Variants in SPATA13 observed in about 807,000 individuals in gnomAD.
SPATA13 encodes the protein spermatogenesis associated 13, also known as spermatogenesis-associated protein 13.
Under a neutral mutation model 104.0 loss-of-function variants are expected in SPATA13, and 50 were observed. The ratio of observed to expected loss-of-function variants is 0.48; its 90% CI spans 0.38 to 0.61. The LOEUF is 0.61. SPATA13 is among the 20% of genes least tolerant of loss of function. The pLI, the probability that SPATA13 is intolerant of heterozygous loss-of-function variation, is 0.00. For missense variants in SPATA13, 1,524 were observed against 1,690.6 expected (o/e 0.90, Z 1.73); for synonymous variants, 606 against 667.5 (o/e 0.91, Z 1.42).
chr13:24,183,351 T>C (rs1868930104), intron 1 of SPATA13, among the ~76,000 whole-genome samples: 1 of 152,210 alleles, frequency 6.6e-6, no homozygotes, highest in Non-Finnish European at 1.5e-5. Context: ...CAACCAAGAC[T>C]GAATGACAGA....
rs377075297 is a variant in SPATA13, at chr13:24,038,820, A to G, written c.-112+21119A>G. On this transcript the variant is annotated intron_variant, in intron 3 of 14. Transcript: ENST00000424834. ...GTTATAGTTGTAATAAGGAAGCACA[A>G]CATCAAAAAATTGGGTGGAATCCTG... Among the ~76,000 whole-genome samples the G allele has an allele frequency of 7.8e-4, 119 of 152,332 alleles. No homozygotes were observed. In the Middle Eastern group the frequency reaches 0.017, roughly 22 times the overall value.
At chr13:24,199,919 A>G (rs1870305574) in intron 1 of SPATA13, among the ~76,000 whole-genome samples, 1 of 152,320 alleles carries the variant, frequency 6.6e-6, no homozygotes, top group Non-Finnish European at 1.5e-5. Flanking sequence ...TATAAGAGAG[A>G]TAGACTAGCA....
intron 3 of SPATA13, among the ~76,000 whole-genome samples, chr13:24,086,541 A>G (rs1879726608): frequency 6.6e-6 from 1 of 152,152 alleles, no homozygotes; most frequent in Admixed American, 6.5e-5. Context: ...GACAAGTTCG[A>G]TGGCTGGGTC....
chr13:24,044,995 C>T (rs1294651135), intron 3 of SPATA13, among the ~76,000 whole-genome samples: 4 of 152,176 alleles, frequency 2.6e-5, no homozygotes, highest in Non-Finnish European at 5.9e-5. Flanking sequence ...CAAACCCTCC[C>T]TTTCTTCCTT....
intron 4 of SPATA13, among the ~76,000 whole-genome samples, chr13:24,260,899 T>C (rs1715875308): frequency 6.6e-6 from 1 of 152,250 alleles, no homozygotes; most frequent in Admixed American, 6.5e-5. Context: ...ATTGCACCTA[T>C]GTATGCCTTA....
At chr13:24,266,175 A>G (rs1452452814) in intron 4 of SPATA13, among the ~76,000 whole-genome samples, 1 of 152,194 alleles carries the variant, frequency 6.6e-6, no homozygotes, top group Non-Finnish European at 1.5e-5. Context: ...TCCCATAGGT[A>G]TGTAAATATA....
chr13:24,123,026 T>C, intron 3 of SPATA13: 3 of 923,620 alleles, frequency 3.2e-6, no homozygotes, highest in Non-Finnish European at 5.4e-6. Flanking sequence ...CCATCTGGAT[T>C]ACTTGGTTAA....
chr13:24,106,432 A>G (rs924267868), intron 3 of SPATA13, among the ~76,000 whole-genome samples: 12 of 152,224 alleles, frequency 7.9e-5, no homozygotes, highest in Non-Finnish European at 8.8e-5. Context: ...CTTGTATATG[A>G]AAATGGAAAC....
At chr13:24,215,224 T>C (rs560684859) in intron 1 of SPATA13, among the ~76,000 whole-genome samples, 12 of 152,314 alleles carry the variant, frequency 7.9e-5, no homozygotes, top group Middle Eastern at 6.8e-3. Flanking sequence ...GTGCATGTCC[T>C]AAATGAGGAG....
intron 3 of SPATA13, among the ~76,000 whole-genome samples, chr13:24,049,953 C>T (rs529042907): frequency 1.3e-4 from 20 of 152,302 alleles, no homozygotes; most frequent in Middle Eastern, 3.4e-3. Context: ...GCTCACTGCA[C>T]CCTCTGCCTC....
intron 3 of SPATA13, among the ~76,000 whole-genome samples, chr13:24,144,009 C>A (rs11840813): frequency 0.056 from 8,562 of 152,268 alleles, 488 homozygotes; most frequent in African/African-American, 0.15. Flanking sequence ...TGGCCAGAAA[C>A]ACTCAAAGCA....
intron 3 of SPATA13, among the ~76,000 whole-genome samples, chr13:24,079,761 AG>A (rs1311382999): frequency 6.6e-6 from 1 of 152,166 alleles, no homozygotes; most frequent in Non-Finnish European, 1.5e-5. Context: ...TGCCTACATT[AG>A]GTCTCTGGAC....
At position 24,294,839 on chromosome 13, in the gene SPATA13, C is replaced by T. The variant is rs140467795; in HGVS notation, c.3181C>T (p.Arg1061Cys). 9.6e-4 allele frequency: 1,545 copies of T among 1,610,646 alleles called. 5 individuals carry two copies. Among genetic ancestry groups the T allele is most frequent in the Middle Eastern group, 1.3e-3 (8 of 6,050 alleles). ...RKLESIDKIA[R>C]WQVSIVGWEG... ...GCTGGAGAGCATCGACAAGATAGCT[C>T]GCTGGCAGGTGTCTATCGTGGGCTG... Residue 1061 changes from arginine (R) to cysteine (C), a missense_variant, in exon 10 of 13, where the codon CGC (arginine) becomes TGC (cysteine). Around this residue, in one of 2 missense-constraint regions of SPATA13, gnomAD observed 435 missense variants for 554.8 expected, o/e 0.78. Transcript: ENST00000382108.
chr13:24,226,363 G>A (rs1871941992), intron 2 of SPATA13, among the ~76,000 whole-genome samples: 1 of 152,168 alleles, frequency 6.6e-6, no homozygotes, highest in South Asian at 2.1e-4. Context: ...GTACCTGTCG[G>A]CCTTTGAATG....
chr13:24,281,866 T>C (rs139860818), intron 4 of SPATA13, among the ~76,000 whole-genome samples: 1 of 152,298 alleles, frequency 6.6e-6, no homozygotes, highest in Non-Finnish European at 1.5e-5. Flanking sequence ...CTGCTTTCCC[T>C]CCGTCCTGCT....
chr13:24,297,160 T>A (rs1484418815), intron 10 of SPATA13, among the ~76,000 whole-genome samples: 2 of 152,162 alleles, frequency 1.3e-5, no homozygotes, highest in Non-Finnish European at 2.9e-5. Flanking sequence ...CGCTTCAGCC[T>A]CCTAAGTAGC....
rs751872342 is a variant in SPATA13 at position 24,249,527 on chromosome 13, GAC to G, written c.1706_1707del (p.Thr569ArgfsTer23). The G allele has an allele frequency of 6.2e-7, 1 of 1,608,412 alleles. No homozygotes were observed. The highest frequency in any genetic ancestry group is 8.5e-7 in the Non-Finnish European group (1 of 1,177,192). On this transcript the variant is annotated frameshift_variant, in exon 3 of 13. Coordinates refer to ENST00000382108, the MANE Select transcript of SPATA13 (RefSeq NM_001166271.3). LOFTEE classifies it high-confidence loss of function. ...GAAGCTCATCACAGGATGAGGAAAG[GAC>G]AGAGGCACAGAGAACCCCCAAGAGG... ...RRSSSQDEER[T>X]EAQRTPKRRW...
intron 1 of SPATA13, among the ~76,000 whole-genome samples, chr13:24,218,723 AT>A (rs35673940): frequency 0.026 from 3,722 of 145,312 alleles, 64 homozygotes; most frequent in Non-Finnish European, 0.036. Flanking sequence ...TTTTTTTGCG[AT>A]TTTTTTTTTA....
At chr13:24,035,826 T>C (rs1877659175) in intron 3 of SPATA13, among the ~76,000 whole-genome samples, 1 of 151,928 alleles carries the variant, frequency 6.6e-6, no homozygotes, top group Admixed American at 6.6e-5. Context: ...CCAGCCTGGC[T>C]AACATGGCAA....
Sources: gnomAD v4.1 joint callset for allele counts (sites outside exome capture counted in the v4.1 genomes callset) on GRCh38, gnomAD v4.1.1 for gene constraint, gnomAD v4.1.1 regional missense constraint, MANE v1.5 for transcripts, NCBI Gene and HGNC (gene_info 2026-07-23, HGNC 2026-07-21) for gene names.